MPPED2: variants seen among roughly 807,000 people sequenced by gnomAD.
MPPED2 encodes metallophosphoesterase MPPED2.
A neutral mutation model predicts 33.0 loss-of-function variants in MPPED2; 5 were observed. That is an observed-to-expected ratio of 0.15 (90% CI 0.08 to 0.32). MPPED2 has a LOEUF of 0.32. Ranked by LOEUF, MPPED2 falls within the 10% of genes least tolerant of loss-of-function variation. The pLI, the probability that MPPED2 is intolerant of heterozygous loss-of-function variation, is 1.00. For missense variants in MPPED2, 275 were observed against 372.1 expected (o/e 0.74, Z 2.15); for synonymous variants, 136 against 141.9 (o/e 0.96, Z 0.29).
At chr11:30,415,201 C>T (rs184445526) in intron 5 of MPPED2, among the ~76,000 whole-genome samples, 203 of 152,192 alleles carry the variant, frequency 1.3e-3, no homozygotes, top group Non-Finnish European at 2.1e-3. Flanking sequence ...TCTGCTTTTT[C>T]GGGCCAAACT....
At chr11:30,572,765 A>G (rs765852921) in intron 2 of MPPED2, among the ~76,000 whole-genome samples, 34 of 152,174 alleles carry the variant, frequency 2.2e-4, no homozygotes, top group Non-Finnish European at 3.4e-4. Context: ...TGTGAGCGTT[A>G]GGGGTCATTT....
At chr11:30,386,474 A>C in exon 7 of MPPED2, 1 of 335,608 alleles carries the variant, frequency 3.0e-6, no homozygotes, top group Non-Finnish European at 5.4e-6. Context: ...TATAAGCTGT[A>C]AGCCTTGGCA....
intron 2 of MPPED2, among the ~76,000 whole-genome samples, chr11:30,572,944 T>C (rs544408164): frequency 6.6e-6 from 1 of 152,312 alleles, no homozygotes; most frequent in Non-Finnish European, 1.5e-5. Flanking sequence ...GCTAAGACCA[T>C]TACGTCTATT....
At chr11:30,536,512 A>G (rs1275330635) in intron 2 of MPPED2, among the ~76,000 whole-genome samples, 1 of 152,184 alleles carries the variant, frequency 6.6e-6, no homozygotes, top group Non-Finnish European at 1.5e-5. Flanking sequence ...AAGCAAAATT[A>G]TGCTATTTCT....
At chr11:30,434,282 G>A (rs1472734154) in intron 4 of MPPED2, among the ~76,000 whole-genome samples, 5 of 152,156 alleles carry the variant, frequency 3.3e-5, no homozygotes, top group Non-Finnish European at 5.9e-5. Context: ...AGAGGAGGTG[G>A]GCAGGGATCC....
At chr11:30,543,494 A>C (rs1207619747) in intron 2 of MPPED2, among the ~76,000 whole-genome samples, 4 of 152,218 alleles carry the variant, frequency 2.6e-5, no homozygotes, top group Non-Finnish European at 5.9e-5. Flanking sequence ...TTACCGATGA[A>C]AGAGCAGAAA....
At position 30,515,978 on chromosome 11, in the gene MPPED2, A is replaced by G. The variant is rs550781043; in HGVS notation, c.310+20016T>C. On this transcript the variant is annotated intron_variant, in intron 3 of 6. Coordinates refer to ENST00000358117, the MANE Select transcript of MPPED2 (RefSeq NM_001584.3). ...TTTCTGCCTACCACATTCATAGAGCATGAATATGAACAAAGATGAATGACA... is the reference window on the plus strand; with the variant it reads ...TTTCTGCCTACCACATTCATAGAGCGTGAATATGAACAAAGATGAATGACA... 2.0e-5 allele frequency among the ~76,000 whole-genome samples: 3 copies of G among 152,342 alleles called. No individual in the cohort carries two copies. In the East Asian group the frequency reaches 5.8e-4, roughly 29 times the overall value.
At chr11:30,449,114 T>C (rs1254682768) in intron 4 of MPPED2, among the ~76,000 whole-genome samples, 1 of 152,226 alleles carries the variant, frequency 6.6e-6, no homozygotes, top group African/African-American at 2.4e-5. Flanking sequence ...GTGTCTATTT[T>C]ATTCCTTAAT....
intron 2 of MPPED2, among the ~76,000 whole-genome samples, chr11:30,546,134 A>G (rs1955413736): frequency 6.6e-6 from 1 of 152,212 alleles, no homozygotes; most frequent in Non-Finnish European, 1.5e-5. Flanking sequence ...CTGATTCTTA[A>G]AAAGTAAGTT....
intron 3 of MPPED2, among the ~76,000 whole-genome samples, chr11:30,527,243 T>G (rs1481402390): frequency 6.6e-6 from 1 of 152,122 alleles, no homozygotes; most frequent in African/African-American, 2.4e-5. Context: ...ATTTTCTATT[T>G]AAAATGGCAT....
chr11:30,416,958 C>T lies in MPPED2; in HGVS notation c.652+560G>A, dbSNP rs1347680930. Among the ~76,000 whole-genome samples, 5 of 152,168 alleles carry T rather than the reference C, an allele frequency of 3.3e-5. No homozygotes were observed. The South Asian group carries it at 8.3e-4, about 25-fold the overall frequency. On this transcript the variant is annotated intron_variant, in intron 5 of 6. Transcript: ENST00000358117. Reference sequence around the variant, plus strand: ...GACAATATAAATCTGGATGCAGCCTCCATGTGCCTGTAGGGTAAGTATCCT... The same window carrying T: ...GACAATATAAATCTGGATGCAGCCTTCATGTGCCTGTAGGGTAAGTATCCT...
At chr11:30,512,317 G>C (rs760477974) in intron 3 of MPPED2, among the ~76,000 whole-genome samples, 1 of 151,974 alleles carries the variant, frequency 6.6e-6, no homozygotes, top group Admixed American at 6.6e-5. Context: ...TTTTTCCCTC[G>C]GCTCTGCCAA....
At chr11:30,514,706 G>C (rs755254271) in intron 3 of MPPED2, among the ~76,000 whole-genome samples, 5 of 152,094 alleles carry the variant, frequency 3.3e-5, no homozygotes, top group Non-Finnish European at 5.9e-5. Flanking sequence ...TGCTGCCTCT[G>C]GCAAAGATAC....
chr11:30,558,828 A>T (rs976599774), intron 2 of MPPED2, among the ~76,000 whole-genome samples: 8 of 151,846 alleles, frequency 5.3e-5, no homozygotes, highest in Non-Finnish European at 1.2e-4. Flanking sequence ...GAAAAATTGA[A>T]AGCAGAAAAA....
chr11:30,477,651 G>A (rs964149659), intron 4 of MPPED2, among the ~76,000 whole-genome samples: 3 of 151,906 alleles, frequency 2.0e-5, no homozygotes, highest in Admixed American at 1.3e-4. Flanking sequence ...CTGCTCATGA[G>A]GCATGTTATT....
intron 2 of MPPED2, among the ~76,000 whole-genome samples, chr11:30,537,154 T>C (rs1009828114): frequency 5.3e-5 from 8 of 152,114 alleles, no homozygotes; most frequent in Non-Finnish European, 1.0e-4. Context: ...AAGCATACAG[T>C]TTTAATTATT....
At chr11:30,403,638 A>ATT (rs1947945181) in intron 6 of MPPED2, among the ~76,000 whole-genome samples, 1 of 152,218 alleles carries the variant, frequency 6.6e-6, no homozygotes, top group Admixed American at 6.5e-5. Flanking sequence ...TTGATGCTTC[A>ATT]AATCTTTTAT....
chr11:30,496,778 T>G (rs889509699), intron 3 of MPPED2, among the ~76,000 whole-genome samples: 5 of 152,170 alleles, frequency 3.3e-5, no homozygotes, highest in Non-Finnish European at 7.4e-5. Flanking sequence ...CAATTCAAAC[T>G]GTAAAGATTA....
chr11:30,407,571 AGACAGAACCCT>A (rs1461145613), downstream of MPPED2, among the ~76,000 whole-genome samples: 1 of 152,170 alleles, frequency 6.6e-6, no homozygotes, highest in Non-Finnish European at 1.5e-5. Context: ...GAGAGTCAAC[AGACAGAACCCT>A]GACTGAAGGC....
Sources: gnomAD v4.1 joint callset for allele counts (sites outside exome capture counted in the v4.1 genomes callset) on GRCh38, gnomAD v4.1.1 for gene constraint, MANE v1.5 for transcripts, NCBI Gene and HGNC (gene_info 2026-07-23, HGNC 2026-07-21) for gene names.